Variants in SOX5 observed in about 807,000 individuals in gnomAD.
SOX5 encodes transcription factor SOX-5.
In SOX5, 9 loss-of-function variants were observed where a neutral mutation model predicts 92.0. The observed-to-expected ratio is 0.10, with a 90% confidence interval of 0.06 to 0.17. The LOEUF is 0.17. Among genes scored for constraint, SOX5 ranks in the 10% least tolerant of loss-of-function variants. SOX5 has a pLI of 1.00. For synonymous variants in SOX5, 344 were observed against 336.3 expected (o/e 1.02, Z -0.25); for missense variants, 642 against 944.5 (o/e 0.68, Z 4.20).
intron 1 of SOX5, among the ~76,000 whole-genome samples, chr12:24,420,961 G>A (rs1413611096): frequency 1.3e-5 from 2 of 152,018 alleles, no homozygotes; most frequent in African/African-American, 4.8e-5. Context: ...AAATTCTTTA[G>A]GTCAAACAAC....
intron 10 of SOX5, among the ~76,000 whole-genome samples, chr12:23,574,923 T>G (rs983445939): frequency 1.3e-5 from 2 of 152,178 alleles, no homozygotes; most frequent in African/African-American, 4.8e-5. Context: ...CAGCGCTTAT[T>G]ATAGCTGACT....
At chr12:24,389,291 AT>A (rs1335697591) in intron 1 of SOX5, among the ~76,000 whole-genome samples, 8 of 152,100 alleles carry the variant, frequency 5.3e-5, no homozygotes, top group African/African-American at 1.7e-4. Flanking sequence ...TGAACTCATC[AT>A]TTTTTATGGC....
chr12:24,505,613 T>G (rs1948639136), intron 1 of SOX5, among the ~76,000 whole-genome samples: 1 of 152,222 alleles, frequency 6.6e-6, no homozygotes, highest in Non-Finnish European at 1.5e-5. Context: ...TCACCACTGT[T>G]GCACAGCTAA....
At chr12:23,900,192 C>T (rs1305285156) in intron 1 of SOX5, among the ~76,000 whole-genome samples, 2 of 152,102 alleles carry the variant, frequency 1.3e-5, no homozygotes, top group African/African-American at 4.8e-5. Flanking sequence ...GCCTGTAACA[C>T]TCCTGGAATT....
intron 1 of SOX5, chr12:23,920,043 A>C (rs1363491166): frequency 6.6e-6 from 1 of 152,144 alleles, no homozygotes; most frequent in Non-Finnish European, 1.5e-5. Flanking sequence ...TATCTTCCAC[A>C]GTCCTATTGC....
chr12:23,647,181 T>C (rs1031237754), intron 7 of SOX5, among the ~76,000 whole-genome samples: 2 of 152,192 alleles, frequency 1.3e-5, no homozygotes, highest in Non-Finnish European at 2.9e-5. Context: ...ATCCATCTCC[T>C]TGTACACCAC....
At chr12:23,863,109 G>A (rs1337962120) in intron 2 of SOX5, among the ~76,000 whole-genome samples, 1 of 152,090 alleles carries the variant, frequency 6.6e-6, no homozygotes, top group Admixed American at 6.5e-5. Flanking sequence ...CCCAAACCCT[G>A]ACAATTTGAA....
intron 4 of SOX5, among the ~76,000 whole-genome samples, chr12:24,205,589 T>G (rs1432389665): frequency 6.6e-6 from 1 of 152,168 alleles, no homozygotes; most frequent in Admixed American, 6.5e-5. Context: ...ATAGGAACCT[T>G]CCTCATACCC....
chr12:23,564,372 C>G (rs761010756), intron 10 of SOX5, among the ~76,000 whole-genome samples: 1 of 151,950 alleles, frequency 6.6e-6, no homozygotes, highest in African/African-American at 2.4e-5. Flanking sequence ...TTTCTCTCTC[C>G]CTATCTTTTA....
At chr12:23,800,134 C>A (rs2095634759) in intron 3 of SOX5, among the ~76,000 whole-genome samples, 2 of 151,750 alleles carry the variant, frequency 1.3e-5, no homozygotes, top group Non-Finnish European at 2.9e-5. Context: ...CAAATTCTAC[C>A]AGCTATGAAA....
At chr12:23,837,947 TTATATAG>T (rs1487090855) in intron 3 of SOX5, among the ~76,000 whole-genome samples, 1 of 121,550 alleles carries the variant, frequency 8.2e-6, no homozygotes, top group African/African-American at 3.3e-5. Context: ...ATATTTATAT[TTATATAG>T]TATATGTTTA....
At chr12:23,834,824 G>A (rs1446174631) in intron 3 of SOX5, among the ~76,000 whole-genome samples, 2 of 151,860 alleles carry the variant, frequency 1.3e-5, no homozygotes, top group Non-Finnish European at 2.9e-5. Flanking sequence ...TGTGTCTGTT[G>A]TGGTTCTAGG....
intron 7 of SOX5, among the ~76,000 whole-genome samples, chr12:23,653,030 A>AGATGGATGGATGGATGGACGGATG (rs1555230872): frequency 3.5e-5 from 4 of 115,762 alleles, no homozygotes; most frequent in South Asian, 2.6e-4. Context: ...ATGTACAGAT[A>AGATGGATGGATGGATGGACGGATG]GATGGATGGA....
intron 1 of SOX5, among the ~76,000 whole-genome samples, chr12:24,533,179 T>C (rs1358394566): frequency 6.6e-6 from 1 of 152,206 alleles, no homozygotes; most frequent in East Asian, 1.9e-4. Flanking sequence ...AAAGACATAA[T>C]GAATATGATA....
At chr12:23,598,725 G>A (rs536804195) in intron 9 of SOX5, among the ~76,000 whole-genome samples, 462 of 152,124 alleles carry the variant, frequency 3.0e-3, no homozygotes, top group African/African-American at 0.011. Flanking sequence ...TTTAACAGAT[G>A]TTTTTTGTCA....
chr12:23,925,192 C>G (rs1406756813), intron 1 of SOX5, among the ~76,000 whole-genome samples: 1 of 152,018 alleles, frequency 6.6e-6, no homozygotes, highest in African/African-American at 2.4e-5. Context: ...TGCTTTGGCT[C>G]TCTATTTTAG....
intron 8 of SOX5, among the ~76,000 whole-genome samples, chr12:23,607,931 G>GA (rs2075445510): frequency 1.3e-5 from 2 of 151,706 alleles, no homozygotes; most frequent in African/African-American, 4.8e-5. Context: ...TAAAACATCG[G>GA]AAACAAACAG....
Position 23,568,136 on chromosome 12 carries a change from G to A in SOX5, c.1343-4733C>T, listed in dbSNP as rs1947477250. Among the ~76,000 whole-genome samples the A allele has an allele frequency of 6.6e-6, 1 of 152,088 alleles. No homozygotes were observed. The highest frequency in any genetic ancestry group is 2.1e-4 in the South Asian group (1 of 4,820). On this transcript the variant is annotated intron_variant, in intron 10 of 14. Coordinates refer to ENST00000451604, the MANE Select transcript of SOX5 (RefSeq NM_006940.6). The stretch of plus-strand genomic sequence containing the variant: ...AGGCTGGGCCATAAATCCAATAACC[G>A]GTTGCCTTATAAGAGGAGAGAGATT...
chr12:23,964,999 G>T (rs1486406342), intron 4 of SOX5, among the ~76,000 whole-genome samples: 3 of 151,976 alleles, frequency 2.0e-5, no homozygotes, highest in Non-Finnish European at 4.4e-5. Context: ...GCGCACAGGG[G>T]CGCGTGGTCA....
Sources: allele counts gnomAD v4.1 joint callset (sites outside exome capture counted in the v4.1 genomes callset), GRCh38; gene constraint gnomAD v4.1.1; transcripts MANE v1.5; gene names NCBI Gene and HGNC (gene_info 2026-07-23, HGNC 2026-07-21).